Variants in USP49 observed in about 807,000 individuals in gnomAD.
The protein encoded by USP49 is ubiquitin carboxyl-terminal hydrolase 49.
Under a neutral mutation model 58.6 loss-of-function variants are expected in USP49, and 24 were observed. That is an observed-to-expected ratio of 0.41 (90% CI 0.30 to 0.58). The LOEUF is 0.58. Among genes scored for constraint, USP49 ranks in the 20% least tolerant of loss-of-function variants. The pLI, the probability that USP49 is intolerant of heterozygous loss-of-function variation, is 0.30. For synonymous variants in USP49, 408 were observed against 365.1 expected (o/e 1.12, Z -1.34); for missense variants, 703 against 866.1 (o/e 0.81, Z 2.36).
intron 3 of USP49, among the ~76,000 whole-genome samples, chr6:41,869,202 G>A (rs1413631112): frequency 6.7e-6 from 1 of 150,120 alleles, no homozygotes; most frequent in Non-Finnish European, 1.5e-5. Flanking sequence ...AGAAAGTGCT[G>A]ACAAGCCATA....
intron 3 of USP49, among the ~76,000 whole-genome samples, chr6:41,810,334 A>C (rs1333120309): frequency 1.8e-4 from 27 of 148,586 alleles, no homozygotes; most frequent in South Asian, 4.2e-4. Flanking sequence ...AAAAAACACA[A>C]AAAAAATTAG....
Position 41,818,596 on chromosome 6 carries a change from A to G in USP49, c.-28-11585T>C, listed in dbSNP as rs139843197. Among the ~76,000 whole-genome samples the G allele has an allele frequency of 7.4e-4, 113 of 152,266 alleles. 2 individuals are homozygous for G. The East Asian group carries it at 0.016, about 22-fold the overall frequency. On this transcript the variant is annotated intron_variant, in intron 3 of 7. Transcript: ENST00000682992. ...GAGCCACCCCAGGATCCTGTCCCCA[A>G]TTTGTCCCACTGCTTAGGCCCTGCT... is the stretch of plus-strand genomic sequence containing the variant.
chr6:41,819,123 G>A (rs1165972385), intron 3 of USP49, among the ~76,000 whole-genome samples: 2 of 152,008 alleles, frequency 1.3e-5, no homozygotes, highest in South Asian at 4.2e-4. Context: ...ATACAAGGTC[G>A]GGTTCGGATA....
intron 3 of USP49, among the ~76,000 whole-genome samples, chr6:41,810,242 A>C (rs1010753398): frequency 1.3e-5 from 2 of 151,888 alleles, no homozygotes; most frequent in African/African-American, 2.4e-5. Flanking sequence ...ACATTTTGGG[A>C]GACCGAGGCA....
At chr6:41,854,893 C>G (rs1377715625) in intron 3 of USP49, among the ~76,000 whole-genome samples, 11 of 152,112 alleles carry the variant, frequency 7.2e-5, no homozygotes, top group Admixed American at 7.2e-4. Context: ...GTCCCTCAGC[C>G]TCCTGAGTAG....
intron 3 of USP49, among the ~76,000 whole-genome samples, chr6:41,815,093 A>G (rs1385582682): frequency 2.0e-5 from 3 of 152,162 alleles, no homozygotes; most frequent in Admixed American, 1.3e-4. Flanking sequence ...TAGTTAAGAA[A>G]AAGATTTAAA....
chr6:41,822,418 G>A (rs1365249430), intron 3 of USP49, among the ~76,000 whole-genome samples: 1 of 152,202 alleles, frequency 6.6e-6, no homozygotes, highest in Non-Finnish European at 1.5e-5. Flanking sequence ...TTTGGTGGTT[G>A]TTCTAAGAAA....
chr6:41,796,856 G>A, intron 7 of USP49, 133 bp from the exon 8 acceptor site: 1 of 610,814 alleles, frequency 1.6e-6, no homozygotes, highest in Non-Finnish European at 2.9e-6. Flanking sequence ...TGGTGGGGAA[G>A]GGACAGGTAA....
Position 41,819,231 on chromosome 6 carries a change from CTTTTG to C in USP49, c.-28-12225_-28-12221del, listed in dbSNP as rs1773412328. On this transcript the variant is annotated intron_variant, in intron 3 of 7. Transcript: ENST00000682992. ...GGGAAACCCAAAAGCCACTCAAAGT[CTTTTG>C]TTTTATTTTGTTTTGTTTTAGCATG... Among the ~76,000 whole-genome samples the C allele has an allele frequency of 2.6e-5, 4 of 152,076 alleles. No homozygotes were observed. In the South Asian group the frequency reaches 8.3e-4, roughly 32 times the overall value.
chr6:41,843,049 C>T (rs1036194019), intron 3 of USP49, among the ~76,000 whole-genome samples: 15 of 152,156 alleles, frequency 9.9e-5, no homozygotes, highest in Non-Finnish European at 1.9e-4. Context: ...GCTAGAACTA[C>T]AGGTATGTGC....
intron 2 of USP49, among the ~76,000 whole-genome samples, chr6:41,887,007 A>G (rs1774723820): frequency 6.6e-6 from 1 of 152,236 alleles, no homozygotes; most frequent in Non-Finnish European, 1.5e-5. Flanking sequence ...TTCAAAGTCA[A>G]AGTTCTTGCT....
At chr6:41,809,789 G>A (rs976422437) in intron 3 of USP49, among the ~76,000 whole-genome samples, 1 of 137,168 alleles carries the variant, frequency 7.3e-6, no homozygotes, top group Admixed American at 7.3e-5. Flanking sequence ...ATTGCGCCAC[G>A]GCACTCCAGC....
intron 5 of USP49, among the ~76,000 whole-genome samples, chr6:41,800,410 A>C (rs566753146): frequency 6.6e-6 from 1 of 152,350 alleles, no homozygotes; most frequent in South Asian, 2.1e-4. Context: ...TCTCATTTTA[A>C]GTCATTGTTA....
chr6:41,792,038 G>C lies in USP49; in HGVS notation c.*4495C>G, dbSNP rs1772806025. On this transcript the variant is annotated 3_prime_UTR_variant, in exon 8 of 8. Transcript: ENST00000682992. Reference sequence around the variant, plus strand: ...AGTGGGAAACTTTTAAACACCATATGTTGAAGTTTCATGAGCTCAGTGGAA... The same window carrying C: ...AGTGGGAAACTTTTAAACACCATATCTTGAAGTTTCATGAGCTCAGTGGAA... 1 of 152,218 alleles carries C rather than the reference G, an allele frequency of 6.6e-6. No individual in the cohort carries two copies. The highest frequency in any genetic ancestry group is 1.5e-5 in the Non-Finnish European group (1 of 68,042). 9.4% of individuals were successfully genotyped at this position (152,218 alleles called of 1,614,324 possible). A position where few individuals can be genotyped will look rare whatever the true frequency, so the allele number is the denominator to read the frequency against.
At chr6:41,840,305 C>T (rs1773801509) in intron 3 of USP49, among the ~76,000 whole-genome samples, 1 of 148,410 alleles carries the variant, frequency 6.7e-6, no homozygotes, top group South Asian at 2.1e-4. Flanking sequence ...ACCCGGGAGG[C>T]GGAGCTTGCA....
chr6:41,859,189 G>A (rs1002109463), intron 3 of USP49, among the ~76,000 whole-genome samples: 1 of 152,150 alleles, frequency 6.6e-6, no homozygotes, highest in Admixed American at 6.5e-5. Flanking sequence ...TTCATAGTCT[G>A]ATCCTGCATA....
chr6:41,821,197 T>A (rs550206371), intron 3 of USP49, among the ~76,000 whole-genome samples: 1 of 152,224 alleles, frequency 6.6e-6, no homozygotes, highest in South Asian at 2.1e-4. Context: ...TCCCACCTGA[T>A]CCCCCACACC....
chr6:41,806,838 T>C lies in USP49; in HGVS notation c.146A>G (p.Tyr49Cys). The C allele has an allele frequency of 2.5e-6, 4 of 1,613,876 alleles. No homozygotes were observed. Among genetic ancestry groups the C allele is most frequent in the Non-Finnish European group, 3.4e-6 (4 of 1,180,002 alleles). The change falls in exon 4 of 8, where the codon TAT becomes TGT. Residue 49 changes from tyrosine to cysteine, a missense_variant. By Grantham distance (194) the Tyr-to-Cys change is radical. This residue lies in a region of USP49 where 376 missense variants were observed against 373.5 expected (regional missense o/e 1.01). Coordinates refer to ENST00000682992, the MANE Select transcript of USP49 (RefSeq NM_001286554.2). This position sits in a 1 kb window ranked among gnomAD's most constrained non-coding sequence, Gnocchi z 5.9. Reference protein sequence around the residue: ...LKCSHVACGRYIEDHALKHFE... With the variant: ...LKCSHVACGRCIEDHALKHFE... The stretch of plus-strand genomic sequence containing the variant: ...GTGTTTCAGGGCGTGGTCCTCAATA[T>C]AGCGGCCGCAGGCCACGTGGGAGCA...
intron 2 of USP49, among the ~76,000 whole-genome samples, chr6:41,884,100 T>G (rs1016212860): frequency 1.3e-5 from 2 of 152,132 alleles, no homozygotes; most frequent in African/African-American, 4.8e-5. Context: ...CTTGGCTCAT[T>G]GCAACCTCCA....
Sources: allele counts gnomAD v4.1 joint callset (sites outside exome capture counted in the v4.1 genomes callset), GRCh38; gene constraint gnomAD v4.1.1; regional missense constraint gnomAD v4.1.1; non-coding constraint Gnocchi (gnomAD v3.1); transcripts MANE v1.5; gene names NCBI Gene and HGNC (gene_info 2026-07-23, HGNC 2026-07-21).